SYT10: variants seen among roughly 807,000 people sequenced by gnomAD.
SYT10 encodes the protein synaptotagmin-10.
A neutral mutation model predicts 51.1 loss-of-function variants in SYT10; 31 were observed. That is an observed-to-expected ratio of 0.61 (90% CI 0.46 to 0.82). The LOEUF is 0.82. SYT10 is among the 40% of genes least tolerant of loss of function. The probability of loss-of-function intolerance (pLI) is 0.00; values close to 1 mark genes in which losing one functional copy is unlikely to be tolerated. For missense variants in SYT10, 603 were observed against 634.0 expected, an observed-to-expected ratio of 0.95 and a Z score of 0.53; for synonymous variants, 233 against 225.9, an observed-to-expected ratio of 1.03 and a Z score of -0.28.
intron 1 of SYT10, chr12:33,432,768 C>T (rs552953264): frequency 6.6e-6 from 1 of 152,078 alleles, no homozygotes; most frequent in Non-Finnish European, 1.5e-5. Flanking sequence ...GTCATGTTAT[C>T]TAGTCAACAA....
At chr12:33,437,503 G>T (rs1866647507) in intron 1 of SYT10, among the ~76,000 whole-genome samples, 1 of 152,192 alleles carries the variant, frequency 6.6e-6, no homozygotes, top group Non-Finnish European at 1.5e-5. Flanking sequence ...TTTCAGAGCT[G>T]GGATTTGGTT....
At chr12:33,433,751 G>T (rs11052703) in intron 1 of SYT10, among the ~76,000 whole-genome samples, 20,295 of 152,170 alleles carry the variant, frequency 0.13, 1,581 homozygotes, top group African/African-American at 0.19. Context: ...TGCACACTAA[G>T]AAATTTTATT....
chr12:33,407,654 G>C, intron 2 of SYT10: 1 of 299,324 alleles, frequency 3.3e-6, no homozygotes, highest in Non-Finnish European at 6.2e-6. Context: ...CACCCTAGCT[G>C]GAGTACGGTA....
chr12:33,395,731 A>G (rs993014979), intron 3 of SYT10, among the ~76,000 whole-genome samples: 2 of 152,234 alleles, frequency 1.3e-5, no homozygotes, highest in African/African-American at 4.8e-5. Context: ...TGACAGGATT[A>G]TAAGTTTTAA....
chr12:33,414,647 A>G (rs1056833658), intron 2 of SYT10, among the ~76,000 whole-genome samples: 2 of 152,328 alleles, frequency 1.3e-5, no homozygotes, highest in East Asian at 1.9e-4. Context: ...CAAAGCCACA[A>G]CATACCAGAA....
chr12:33,417,047 G>A (rs1866460181), intron 2 of SYT10, among the ~76,000 whole-genome samples: 1 of 152,122 alleles, frequency 6.6e-6, no homozygotes, highest in Admixed American at 6.5e-5. Context: ...TAGTAAAATG[G>A]GAAGTAAGGT....
At chr12:33,409,426 A>AG (rs1866386750) in intron 2 of SYT10, among the ~76,000 whole-genome samples, 1 of 152,052 alleles carries the variant, frequency 6.6e-6, no homozygotes, top group Non-Finnish European at 1.5e-5. Flanking sequence ...CATGTTGGCC[A>AG]GGCTGGTCTC....
Position 33,432,107 on chromosome 12 carries a change from C to G in SYT10, c.152-5612G>C, listed in dbSNP as rs556799034. Among the ~76,000 whole-genome samples the G allele has an allele frequency of 2.9e-4, 44 of 152,074 alleles. No homozygotes were observed. The South Asian group carries it at 8.9e-3, about 31-fold the overall frequency. On this transcript the variant is annotated intron_variant, in intron 1 of 6. Coordinates refer to ENST00000228567, the MANE Select transcript of SYT10 (RefSeq NM_198992.4). Reference sequence around the variant, plus strand: ...TATGTTTTCCTTCCTATATTTGTGTCAGAGTGATATAAGATTTCTTTAAAA... The same window carrying G: ...TATGTTTTCCTTCCTATATTTGTGTGAGAGTGATATAAGATTTCTTTAAAA...
intron 5 of SYT10, among the ~76,000 whole-genome samples, chr12:33,380,874 G>C (rs1443334320): frequency 4.6e-5 from 7 of 152,114 alleles, no homozygotes; most frequent in Non-Finnish European, 8.8e-5. Context: ...CATCTCCAAA[G>C]ATACTTTTGA....
intron 4 of SYT10, among the ~76,000 whole-genome samples, chr12:33,383,822 G>A (rs1866136416): frequency 1.3e-5 from 2 of 152,090 alleles, no homozygotes. Flanking sequence ...GCGCTCCTCC[G>A]ATGAAAAGTT....
chr12:33,434,634 C>T (rs1343446733), intron 1 of SYT10, among the ~76,000 whole-genome samples: 4 of 152,026 alleles, frequency 2.6e-5, no homozygotes, highest in African/African-American at 7.2e-5. Context: ...AGAAAACCCC[C>T]GACTCTACTA....
In SYT10 at chr12:33,379,930, T is replaced by C; in HGVS notation, c.1402A>G (p.Arg468Gly). 1.2e-6 allele frequency: 2 copies of C among 1,613,960 alleles called. No individual in the cohort carries two copies. Among genetic ancestry groups the C allele is most frequent in the Non-Finnish European group, 1.7e-6 (2 of 1,179,870 alleles). ...AGACCCTCAGCATCCAGTCCTGTTC[T>C]GCACACTCCTATGACCTCATTGTGT... is the stretch of plus-strand genomic sequence containing the variant. The part of the protein sequence containing the change: ...VGHNEVIGVC[R>G]TGLDAEGLGR... The change falls in exon 6 of 7, where the codon AGA becomes GGA. Residue 468 changes from arginine (R) to glycine (G), a missense_variant. Arg to Gly is a moderately radical substitution (Grantham distance 125, BLOSUM62 -2). Coordinates refer to ENST00000228567, the MANE Select transcript of SYT10 (RefSeq NM_198992.4).
At chr12:33,426,974 A>T (rs184047970) in intron 1 of SYT10, among the ~76,000 whole-genome samples, 17 of 152,340 alleles carry the variant, frequency 1.1e-4, no homozygotes, top group Admixed American at 7.2e-4. Flanking sequence ...CACATTACTA[A>T]TAGAGAATGA....
intron 3 of SYT10, 62 bp from the exon 4 acceptor site, chr12:33,385,353 C>A: frequency 6.3e-7 from 1 of 1,584,008 alleles, no homozygotes; most frequent in Non-Finnish European, 8.6e-7. Flanking sequence ...CAAAAATAAT[C>A]ATTTTAGTAG....
Position 33,385,184 on chromosome 12 carries a change from A to T in SYT10, c.1185T>A (p.Ile395=). 1 of 1,613,650 alleles carries T rather than the reference A, an allele frequency of 6.2e-7. No homozygotes were observed. The highest frequency in any genetic ancestry group is 2.2e-5 in the East Asian group (1 of 44,846). ...IKCRNLKAMD[I]TGSSDPYVKV... ...TTGTGTACATACCTGATGAGCCAGT[A>T]ATATCCATCGCCTTCAGATTTCTGC... The change falls in exon 4 of 7, where the codon ATT becomes ATA. Residue 395 remains isoleucine (I), a synonymous_variant. Transcript: ENST00000228567.
intron 5 of SYT10, among the ~76,000 whole-genome samples, chr12:33,380,308 T>G (rs1866102900): frequency 6.6e-6 from 1 of 152,214 alleles, no homozygotes; most frequent in South Asian, 2.1e-4. Flanking sequence ...ATACAAGTGA[T>G]GTAAAACAAA....
rs778172972 is a variant in SYT10 at position 33,407,329 on chromosome 12, C to T, written c.537G>A (p.Pro179=). The T allele has an allele frequency of 5.0e-6, 8 of 1,607,106 alleles. No homozygotes were observed. Among genetic ancestry groups the T allele is most frequent in the South Asian group, 2.2e-5 (2 of 91,082 alleles). Reference sequence around the variant, plus strand: ...CAACACTGGAAACCTGCATTTGCCTCGGCAGGTGTCTTCGGAAGGAACTGT... The same window carrying T: ...CAACACTGGAAACCTGCATTTGCCTTGGCAGGTGTCTTCGGAAGGAACTGT... The part of the protein sequence containing the change: ...TRHSSFRRHL[P]RQMQVSSVDF... Residue 179 remains proline, a synonymous_variant, in exon 3 of 7, where the codon CCG becomes CCA. Coordinates refer to ENST00000228567, the MANE Select transcript of SYT10 (RefSeq NM_198992.4).
At chr12:33,437,320 C>T (rs945170868) in intron 1 of SYT10, among the ~76,000 whole-genome samples, 8 of 152,120 alleles carry the variant, frequency 5.3e-5, no homozygotes, top group Non-Finnish European at 8.8e-5. Context: ...GGAAAATATT[C>T]TTGCAATTGT....
chr12:33,397,485 T>C (rs188972622), intron 3 of SYT10, among the ~76,000 whole-genome samples: 3 of 152,180 alleles, frequency 2.0e-5, no homozygotes, highest in South Asian at 2.1e-4. Context: ...AAGAGAGCAA[T>C]GGACAGAAAT....
Sources: gnomAD v4.1 joint callset for allele counts (sites outside exome capture counted in the v4.1 genomes callset) on GRCh38, gnomAD v4.1.1 for gene constraint, MANE v1.5 for transcripts, NCBI Gene and HGNC (gene_info 2026-07-23, HGNC 2026-07-21) for gene names.